GATA4: variants seen among roughly 807,000 people sequenced by gnomAD.
GATA4 encodes GATA binding protein 4.
In GATA4, 7 loss-of-function variants were observed where a neutral mutation model predicts 37.9. That is an observed-to-expected ratio of 0.18 (90% CI 0.11 to 0.35). The LOEUF (loss-of-function observed/expected upper bound fraction) is 0.35. Ranked by LOEUF, GATA4 falls within the 10% of genes least tolerant of loss-of-function variation. GATA4 has a pLI of 1.00. For synonymous variants in GATA4, 372 were observed against 292.6 expected (o/e 1.27, Z -2.77); for missense variants, 647 against 653.0 (o/e 0.99, Z 0.10).
chr8:11,723,586 T>A (rs1800775286), intron 2 of GATA4, among the ~76,000 whole-genome samples: 1 of 152,230 alleles, frequency 6.6e-6, no homozygotes. Flanking sequence ...ACCTGGCTCC[T>A]GTTAGTGAGG....
At position 11,749,203 on chromosome 8, in the gene GATA4, T is replaced by A; in HGVS notation, c.786+118T>A. The stretch of plus-strand genomic sequence containing the variant: ...GGGTGTGCATCGGGGATTACGTGGG[T>A]GAGAGCCCCATAATAATTCTCACAA... On this transcript the variant is annotated intron_variant, in intron 3 of 6. Transcript: ENST00000532059. This position sits in a 1 kb window ranked among gnomAD's most constrained non-coding sequence, Gnocchi z 4.6. 2.1e-6 allele frequency: 2 copies of A among 956,288 alleles called. No homozygotes were observed. The highest frequency in any genetic ancestry group is 3.2e-6 in the Non-Finnish European group (2 of 620,686). 59.2% of individuals were successfully genotyped at this position (956,288 alleles called of 1,614,324 possible). A position where few individuals can be genotyped will look rare whatever the true frequency, so the allele number is the denominator to read the frequency against.
intron 2 of GATA4, among the ~76,000 whole-genome samples, chr8:11,728,970 C>A (rs747703009): frequency 1.3e-5 from 2 of 151,966 alleles, no homozygotes; most frequent in Admixed American, 6.6e-5. Context: ...TGGTGGCTCA[C>A]GCCTGTAATC....
At chr8:11,687,694 A>C (rs568780526), upstream of GATA4, among the ~76,000 whole-genome samples, 2 of 152,202 alleles carry the variant, frequency 1.3e-5, no homozygotes, top group African/African-American at 2.4e-5. Context: ...CCTTGCTCTA[A>C]CTACCAAGTG....
intron 4 of GATA4, among the ~76,000 whole-genome samples, chr8:11,754,832 G>A (rs777581320): frequency 6.6e-6 from 1 of 152,212 alleles, no homozygotes; most frequent in Non-Finnish European, 1.5e-5. Context: ...TAGTAAAGTA[G>A]CCATCACATC....
intron 1 of GATA4, among the ~76,000 whole-genome samples, chr8:11,705,452 C>G (rs1563197762): frequency 6.6e-6 from 1 of 152,220 alleles, no homozygotes; most frequent in Non-Finnish European, 1.5e-5. Context: ...TCGGCGCTTG[C>G]AATTCTCCCA....
At chr8:11,702,444 G>T (rs1449460713), upstream of GATA4, among the ~76,000 whole-genome samples, 4 of 151,858 alleles carry the variant, frequency 2.6e-5, no homozygotes, top group African/African-American at 9.7e-5. This position sits in a 1 kb window ranked among gnomAD's most constrained non-coding sequence, Gnocchi z 4.4. Context: ...CCTGCCGCAG[G>T]CCTTGGCTTC....
At chr8:11,721,014 G>A (rs1490089780) in intron 2 of GATA4, among the ~76,000 whole-genome samples, 1 of 152,092 alleles carries the variant, frequency 6.6e-6, no homozygotes, top group East Asian at 1.9e-4. Flanking sequence ...TTCCCTGTGA[G>A]CCTGGCGCTG....
At chr8:11,732,338 A>C (rs1801250826) in intron 2 of GATA4, among the ~76,000 whole-genome samples, 1 of 152,210 alleles carries the variant, frequency 6.6e-6, no homozygotes, top group Non-Finnish European at 1.5e-5. Context: ...AGGGGCACTG[A>C]TTTCAGTGCA....
chr8:11,690,874 C>G (rs1585560163), upstream of GATA4, among the ~76,000 whole-genome samples: 2 of 152,202 alleles, frequency 1.3e-5, no homozygotes, highest in African/African-American at 2.4e-5. Context: ...CTGTCTGTCT[C>G]TCTTCAAACA....
chr8:11,754,032 C>G (rs1396173817), intron 4 of GATA4, among the ~76,000 whole-genome samples: 2 of 152,228 alleles, frequency 1.3e-5, no homozygotes, highest in Non-Finnish European at 1.5e-5. Flanking sequence ...ATCTCAGAAC[C>G]TGGTCACAGG....
chr8:11,755,168 C>A (rs1216433807), intron 5 of GATA4, 35 bp downstream of exon 5: 2 of 1,538,126 alleles, frequency 1.3e-6, no homozygotes, highest in Admixed American at 1.7e-5. Flanking sequence ...TATATGAGTA[C>A]ATCAGGAGCC....
At chr8:11,752,173 A>G (rs143446923) in intron 4 of GATA4, among the ~76,000 whole-genome samples, 67 of 152,354 alleles carry the variant, frequency 4.4e-4, no homozygotes, top group African/African-American at 1.4e-3. Context: ...AAATATATGT[A>G]GCATGACCCC....
In GATA4 at chr8:11,757,011, C is replaced by T. The variant is rs375407669; in HGVS notation, c.1077C>T (p.Ser359=). 81 of 1,614,112 alleles carry T rather than the reference C, an allele frequency of 5.0e-5. No homozygotes were observed. The highest frequency in any genetic ancestry group is 6.7e-5 in the East Asian group (3 of 44,890). ...CCAGCAACGCCACCACCAGCAGCAG[C>T]GAGGAGATGCGTCCCATCAAGACGG... The part of the protein sequence containing the change: ...SNSSNATTSS[S]EEMRPIKTEP... Residue 359 remains serine, a synonymous_variant, in exon 6 of 7, where the codon AGC becomes AGT. Coordinates refer to ENST00000532059, the MANE Select transcript of GATA4 (RefSeq NM_001308093.3).
intron 2 of GATA4, among the ~76,000 whole-genome samples, chr8:11,728,877 G>A (rs1442234878): frequency 6.6e-6 from 1 of 152,126 alleles, no homozygotes; most frequent in Non-Finnish European, 1.5e-5. Flanking sequence ...TTACATAGGG[G>A]GGCACATTTA....
At chr8:11,714,390 C>A (rs2130108735) in intron 2 of GATA4, among the ~76,000 whole-genome samples, 1 of 152,216 alleles carries the variant, frequency 6.6e-6, no homozygotes, top group Admixed American at 6.5e-5. Context: ...AGTGAAAAAC[C>A]CCGAAGTGTT....
chr8:11,738,198 A>C (rs1801552274), intron 2 of GATA4, among the ~76,000 whole-genome samples: 1 of 150,836 alleles, frequency 6.6e-6, no homozygotes, highest in Non-Finnish European at 1.5e-5. Flanking sequence ...AAAAAAAAAA[A>C]TCACTATCAC....
intron 1 of GATA4, among the ~76,000 whole-genome samples, chr8:11,696,911 G>C (rs1325766255): frequency 6.6e-6 from 1 of 152,234 alleles, no homozygotes; most frequent in Non-Finnish European, 1.5e-5. Flanking sequence ...CTCAGGGAGA[G>C]TGTGGGCCCC....
At chr8:11,752,965 A>G (rs1802373080) in intron 4 of GATA4, among the ~76,000 whole-genome samples, 1 of 152,222 alleles carries the variant, frequency 6.6e-6, no homozygotes, top group Non-Finnish European at 1.5e-5. Flanking sequence ...CAAGAAACTT[A>G]TTGGGAAATA....
At chr8:11,700,312 C>G (rs961671462), upstream of GATA4, among the ~76,000 whole-genome samples, 7 of 152,214 alleles carry the variant, frequency 4.6e-5, no homozygotes, top group African/African-American at 1.7e-4. Flanking sequence ...GAAAGCAAGA[C>G]CATTAACAAG....
Sources: gnomAD v4.1 joint callset for allele counts (sites outside exome capture counted in the v4.1 genomes callset) on GRCh38, gnomAD v4.1.1 for gene constraint, Gnocchi (gnomAD v3.1) non-coding constraint, MANE v1.5 for transcripts, NCBI Gene and HGNC (gene_info 2026-07-23, HGNC 2026-07-21) for gene names.